Variants in NDRG4 observed in about 807,000 individuals in gnomAD.
NDRG4 encodes the protein protein NDRG4.
In NDRG4, 38 loss-of-function variants were observed where a neutral mutation model predicts 55.8. The observed-to-expected ratio is 0.68, with a 90% CI of 0.53 to 0.89. The LOEUF (loss-of-function observed/expected upper bound fraction) is 0.89. Ranked by LOEUF, NDRG4 falls within the 40% of genes least tolerant of loss-of-function variation. The pLI, the probability that NDRG4 is intolerant of heterozygous loss-of-function variation, is 0.00. For synonymous variants in NDRG4, 190 were observed against 182.7 expected, an observed-to-expected ratio of 1.04 and a Z score of -0.32; for missense variants, 455 against 468.6, an observed-to-expected ratio of 0.97 and a Z score of 0.27.
intron 1 of NDRG4, among the ~76,000 whole-genome samples, chr16:58,502,534 T>C (rs2037306010): frequency 6.6e-6 from 1 of 152,164 alleles, no homozygotes; most frequent in Non-Finnish European, 1.5e-5. Flanking sequence ...AGTGGTCCTC[T>C]GAGACCAGAC....
At chr16:58,471,186 CTTTTTTTTT>C (rs528375397) in intron 1 of NDRG4, among the ~76,000 whole-genome samples, 5 of 67,070 alleles carry the variant, frequency 7.5e-5, no homozygotes, top group Admixed American at 1.7e-4. Context: ...ATGTGTGTTG[CTTTTTTTTT>C]TTTTTTTTTT....
intron 1 of NDRG4, chr16:58,487,723 G>T: frequency 6.8e-7 from 1 of 1,459,984 alleles, no homozygotes; most frequent in Non-Finnish European, 9.2e-7. Flanking sequence ...CGTCCCCGCC[G>T]CAGCAGGCCT....
Position 58,494,844 on chromosome 16 carries a change from A to AAG in NDRG4, c.73-119_73-118insGA, listed in dbSNP as rs1295341335. On this transcript the variant is annotated intron_variant, in intron 2 of 15. Transcript: ENST00000258187. ...GAGACCCTGTCTCTAAAAAAAAAAA[A>AAG]AAAGAAAAGAAAAGAGAAAAGACAG... is the stretch of plus-strand genomic sequence containing the variant. The AAG allele has an allele frequency of 7.6e-3, 6,134 of 810,366 alleles. 35 individuals are homozygous for AAG. Among genetic ancestry groups the AAG allele is most frequent in the Non-Finnish European group, 7.9e-3 (4,068 of 515,304 alleles). The allele number at this position is 810,366 out of a possible 1,614,324, so 50.2% of individuals were successfully genotyped here. A position where few individuals can be genotyped will look rare whatever the true frequency, so the allele number is the denominator to read the frequency against.
intron 5 of NDRG4, among the ~76,000 whole-genome samples, chr16:58,505,791 G>C (rs542473781): frequency 4.5e-5 from 6 of 134,206 alleles, no homozygotes; most frequent in African/African-American, 1.7e-4. Flanking sequence ...GCATGATCTC[G>C]GCCCACTGCA....
chr16:58,478,765 A>G (rs2034050932), intron 1 of NDRG4, among the ~76,000 whole-genome samples: 1 of 147,748 alleles, frequency 6.8e-6, no homozygotes, highest in South Asian at 2.1e-4. Context: ...GGGGGAAAGT[A>G]TTATGTCTTC....
At chr16:58,497,855 G>T (rs984575613), upstream of NDRG4, among the ~76,000 whole-genome samples, 10 of 152,290 alleles carry the variant, frequency 6.6e-5, no homozygotes, top group Non-Finnish European at 8.8e-5. Context: ...GGTGGGGTCA[G>T]ATCTAGAGTG....
chr16:58,475,648 T>G (rs1459424111), intron 1 of NDRG4: 1 of 456,066 alleles, frequency 2.2e-6, no homozygotes, highest in Non-Finnish European at 4.4e-6. Context: ...CATGGCTTCA[T>G]GATTCTCAGG....
At chr16:58,498,215 TCA>T (rs2036622365), upstream of NDRG4, among the ~76,000 whole-genome samples, 1 of 152,056 alleles carries the variant, frequency 6.6e-6, no homozygotes, top group East Asian at 1.9e-4. Context: ...GGGCTGTGCC[TCA>T]GTTTTCCAAG....
In NDRG4 at chr16:58,504,131, A is replaced by G. The variant is rs753659770; in HGVS notation, c.128-23A>G. ...AGTCCCCCGGCCCCTCTGCTCAGCC[A>G]TAGTGGAAGTGTGTCTTTGCAGACA... On this transcript the variant is annotated intron_variant, in intron 2 of 14. Transcript: ENST00000570248. The G allele has an allele frequency of 6.8e-6, 11 of 1,613,780 alleles. No homozygotes were observed. The South Asian group carries it at 1.2e-4, about 18-fold the overall frequency.
chr16:58,487,126 G>T (rs989197261), intron 1 of NDRG4, among the ~76,000 whole-genome samples: 1 of 152,286 alleles, frequency 6.6e-6, no homozygotes, highest in Non-Finnish European at 1.5e-5. Context: ...CTCCCTGCAC[G>T]TGCCCTTCTG....
upstream of NDRG4, among the ~76,000 whole-genome samples, chr16:58,497,958 TA>T (rs570846976): frequency 2.0e-5 from 3 of 149,970 alleles, no homozygotes; most frequent in Admixed American, 6.6e-5. Context: ...ACAGAGAGGT[TA>T]AAAAAAAAAT....
chr16:58,511,540 G>A lies in NDRG4; in HGVS notation c.1023G>A (p.Leu341=). 1.2e-6 allele frequency: 2 copies of A among 1,613,050 alleles called. No individual in the cohort carries two copies. The highest frequency in any genetic ancestry group is 2.2e-5 in the East Asian group (1 of 44,876). The change falls in exon 15 of 15, where the codon CTG becomes CTA. Residue 341 remains leucine, a synonymous_variant. Coordinates refer to ENST00000570248, the MANE Select transcript of NDRG4 (RefSeq NM_001242835.2). ...ACTHSESSEG[L]GQVNHTMEVS... ...CCCACTCAGAGAGCAGCGAGGGGCT[G>A]GGCCAGGTCAACCACACCATGGAGG...
At chr16:58,510,898 C>G in intron 14 of NDRG4, 1 of 600,692 alleles carries the variant, frequency 1.7e-6, no homozygotes, top group South Asian at 2.0e-5. Flanking sequence ...TCTAGGTTGT[C>G]ATGAGCTGCG....
At chr16:58,470,021 T>G (rs2032467981) in intron 1 of NDRG4, among the ~76,000 whole-genome samples, 1 of 152,244 alleles carries the variant, frequency 6.6e-6, no homozygotes, top group Non-Finnish European at 1.5e-5. Flanking sequence ...TCTTTCAGTG[T>G]CTAGATGAGC....
At chr16:58,504,543 G>C (rs538907401) in intron 4 of NDRG4, 46 bp from the exon 5 acceptor site, 1 of 1,613,340 alleles carries the variant, frequency 6.2e-7, no homozygotes, top group South Asian at 1.1e-5. Context: ...ACATGTATGG[G>C]AAATGGCACC....
chr16:58,467,971 G>C (rs1226317475), intron 1 of NDRG4, among the ~76,000 whole-genome samples: 4 of 152,146 alleles, frequency 2.6e-5, no homozygotes, highest in Middle Eastern at 3.2e-3. Context: ...TCCTTCGTTG[G>C]GTTCTCACAA....
At chr16:58,475,645 T>G (rs1188656947) in intron 1 of NDRG4, 1 of 456,058 alleles carries the variant, frequency 2.2e-6, no homozygotes, top group South Asian at 1.5e-5. Flanking sequence ...AATCATGGCT[T>G]CATGATTCTC....
At chr16:58,465,751 T>G (rs1163058050) in intron 1 of NDRG4, among the ~76,000 whole-genome samples, 2 of 151,918 alleles carry the variant, frequency 1.3e-5, no homozygotes, top group Non-Finnish European at 2.9e-5. Context: ...AATAAATAAA[T>G]AAATCAGCAA....
At chr16:58,500,737 G>C (rs559344283) in intron 1 of NDRG4, 2 of 418,654 alleles carry the variant, frequency 4.8e-6, no homozygotes, top group Admixed American at 4.1e-5. Flanking sequence ...CCCAGTGTGC[G>C]TGCCGGGTCT....
Sources: allele counts gnomAD v4.1 joint callset (sites outside exome capture counted in the v4.1 genomes callset), GRCh38; gene constraint gnomAD v4.1.1; transcripts MANE v1.5; gene names NCBI Gene and HGNC (gene_info 2026-07-23, HGNC 2026-07-21).